Variants in NIBAN3 observed in about 807,000 individuals in gnomAD.
The protein encoded by NIBAN3 is protein Niban 3.
Under a neutral mutation model 76.4 loss-of-function variants are expected in NIBAN3, and 66 were observed. The observed-to-expected ratio is 0.86, with a 90% CI of 0.71 to 1.06. NIBAN3 has a LOEUF of 1.06. NIBAN3 is among the 50% of genes least tolerant of loss of function. The pLI is 0.00. For synonymous variants in NIBAN3, 360 were observed against 355.2 expected, an observed-to-expected ratio of 1.01 and a Z score of -0.15; for missense variants, 808 against 810.7, an observed-to-expected ratio of 1.00 and a Z score of 0.04.
rs747510065 is a variant in NIBAN3, at chr19:17,546,772, G to A, written c.1641G>A (p.Gly547=). The stretch of plus-strand genomic sequence containing the variant: ...GCATCTATGAGGACGTCATCCGGGG[G>A]TGCTTGCTGCAGAGGATTGACCAAG... ...TEGIYEDVIR[G]CLLQRIDQEL... is the part of the protein sequence containing the mutation. Residue 547 remains glycine (G), a synonymous_variant, in exon 13 of 15, where the codon GGG becomes GGA. Transcript: ENST00000599164. The A allele has an allele frequency of 1.9e-5, 31 of 1,602,828 alleles. No individual in the cohort carries two copies. In the South Asian group the frequency reaches 2.4e-4, roughly 12 times the overall value.
rs2076182214 is a variant in NIBAN3, at chr19:17,553,200, T to C, written c.*1302T>C. On this transcript the variant is annotated 3_prime_UTR_variant, in exon 15 of 15. Transcript: ENST00000599164. ...TTCAGGAGTGTTTGCATTTTTCTTA[T>C]TGATATCTAATAACTCTTTATATCT... 11 of 1,477,274 alleles carry C rather than the reference T, an allele frequency of 7.4e-6. No homozygotes were observed. The South Asian group carries it at 1.1e-4, about 15-fold the overall frequency. 91.5% of individuals were successfully genotyped at this position (1,477,274 alleles called of 1,614,324 possible).
rs978247726 is a variant in NIBAN3 at position 17,543,199 on chromosome 19, T to C, written c.1330-118T>C. ...TTTCCTGGGACAAGGAGGAGGAGGT[T>C]GGGCAGAGGTGGCTGGTTGGAACAG... On this transcript the variant is annotated intron_variant, in intron 10 of 14. Coordinates refer to ENST00000599164, the MANE Select transcript of NIBAN3 (RefSeq NM_001321827.2). The C allele has an allele frequency of 7.6e-6, 5 of 657,520 alleles. No individual in the cohort carries two copies. The East Asian group carries it at 1.3e-4, about 17-fold the overall frequency. The allele number at this position is 657,520 out of a possible 1,614,324, so 40.7% of individuals were successfully genotyped here. A position where few individuals can be genotyped will look rare whatever the true frequency, so the allele number is the denominator to read the frequency against.
chr19:17,544,697 G>A (rs2076017950), intron 12 of NIBAN3, among the ~76,000 whole-genome samples: 1 of 152,174 alleles, frequency 6.6e-6, no homozygotes, highest in African/African-American at 2.4e-5. Context: ...TGGGAAGGAG[G>A]TCAGCGGGAG....
intron 14 of NIBAN3, chr19:17,549,960 GCGGCA>G: frequency 8.9e-6 from 3 of 338,176 alleles, no homozygotes; most frequent in Non-Finnish European, 1.1e-5. Flanking sequence ...GGGACTACAG[GCGGCA>G]CATGCCACCA....
In NIBAN3 at chr19:17,542,183, A is replaced by G. The variant is rs1040602346; in HGVS notation, c.1218A>G (p.Thr406=). The change falls in exon 10 of 15, where the codon ACA becomes ACG. Residue 406 remains threonine, a synonymous_variant. Coordinates refer to ENST00000599164, the MANE Select transcript of NIBAN3 (RefSeq NM_001321827.2). This position sits in a 1 kb window ranked among gnomAD's most constrained non-coding sequence, Gnocchi z 4.8. ...EMPWDLALMQ[T]CYREAERSRG... ...CGTGGGACTTGGCGCTGATGCAGAC[A>G]TGCTACCGTGAGGCCGAGCGGAGCC... The G allele has an allele frequency of 1.2e-5, 19 of 1,614,026 alleles. No individual in the cohort carries two copies. The highest frequency in any genetic ancestry group is 2.7e-5 in the African/African-American group (2 of 74,906).
chr19:17,533,681 C>G lies in NIBAN3; in HGVS notation c.407C>G (p.Ala136Gly). The change falls in exon 4 of 15, where the codon GCT becomes GGT. Residue 136 changes from alanine (A) to glycine (G), a missense_variant. Transcript: ENST00000599164. Reference sequence around the variant, plus strand: ...CGAGAATATCTCCGCCTTTTGGATGCTCTCTGCCCTGAATCCTTGGGTAAG... The same window carrying G: ...CGAGAATATCTCCGCCTTTTGGATGGTCTCTGCCCTGAATCCTTGGGTAAG... The part of the protein sequence containing the change: ...SQREYLRLLD[A>G]LCPESLGDHT... 1 of 1,613,792 alleles carries G rather than the reference C, an allele frequency of 6.2e-7. No homozygotes were observed. Among genetic ancestry groups the G allele is most frequent in the South Asian group, 1.1e-5 (1 of 91,052 alleles).
Position 17,532,352 on chromosome 19 carries a change from T to G in NIBAN3, c.276T>G (p.Arg92=). The G allele has an allele frequency of 6.2e-7, 1 of 1,614,102 alleles. No homozygotes were observed. Among genetic ancestry groups the G allele is most frequent in the Non-Finnish European group, 8.5e-7 (1 of 1,180,006 alleles). The stretch of plus-strand genomic sequence containing the variant: ...GGCAGCCGATCTTCTGTGTTCTGCG[T>G]GGGGACGGCCGCCTAGAGTGGTTCA... ...PRWQPIFCVL[R]GDGRLEWFSH... is the part of the protein sequence containing the mutation. The change falls in exon 3 of 15, where the codon CGT becomes CGG. Residue 92 remains arginine, a synonymous_variant. Transcript: ENST00000599164.
At chr19:17,527,140 T>G, upstream of NIBAN3, 1 of 1,400,250 alleles carries the variant, frequency 7.1e-7, no homozygotes, top group Non-Finnish European at 9.7e-7. Context: ...CCCCGCAGCC[T>G]CTACAGAAAC....
chr19:17,549,360 T>C (rs1243634262), intron 13 of NIBAN3, 84 bp from the exon 14 acceptor site: 7 of 934,928 alleles, frequency 7.5e-6, no homozygotes, highest in Non-Finnish European at 8.3e-6. Context: ...GCTTGAGACA[T>C]TTGTAGTCTC....
chr19:17,530,579 A>G (rs2075702259), intron 1 of NIBAN3, among the ~76,000 whole-genome samples, 176 bp from the exon 2 acceptor site: 1 of 151,028 alleles, frequency 6.6e-6, no homozygotes, highest in Non-Finnish European at 1.5e-5. Flanking sequence ...ACCCAGCCAC[A>G]TGGATGGAAA....
intron 2 of NIBAN3, 100 bp downstream of exon 2, chr19:17,530,985 A>G: frequency 7.4e-7 from 1 of 1,349,468 alleles, no homozygotes; most frequent in Non-Finnish European, 1.0e-6. Context: ...TGCCATTGCC[A>G]TAGGATGACT....
At chr19:17,527,906 C>A (rs1230882601) in intron 1 of NIBAN3, among the ~76,000 whole-genome samples, 1 of 151,614 alleles carries the variant, frequency 6.6e-6, no homozygotes, top group East Asian at 1.9e-4. Context: ...GTTGCCCAGG[C>A]TGGTCTTGAA....
At chr19:17,526,399 T>C (rs1456493144), upstream of NIBAN3, among the ~76,000 whole-genome samples, 3 of 151,624 alleles carry the variant, frequency 2.0e-5, no homozygotes, top group Admixed American at 6.6e-5. Context: ...TCCTAACATT[T>C]TGGGAGGCCG....
intron 3 of NIBAN3, 158 bp from the exon 4 acceptor site, chr19:17,533,429 A>C (rs1273183484): frequency 2.5e-6 from 1 of 407,198 alleles, no homozygotes; most frequent in Non-Finnish European, 4.2e-6. Context: ...AAAAAAAAAA[A>C]AGAGAGAGGG....
upstream of NIBAN3, chr19:17,523,336 G>T: frequency 9.4e-7 from 1 of 1,063,240 alleles, no homozygotes; most frequent in Non-Finnish European, 1.3e-6. Flanking sequence ...CCTGCGCAGA[G>T]GCGGCTGTGC....
At chr19:17,554,794 AG>A (rs375282771), downstream of NIBAN3, among the ~76,000 whole-genome samples, 71 of 59,630 alleles carry the variant, frequency 1.2e-3, no homozygotes, top group South Asian at 0.026. Flanking sequence ...AAAAAAAAAA[AG>A]AAAATAATAA....
At chr19:17,523,538 C>CGGCA, upstream of NIBAN3, 1 of 1,233,972 alleles carries the variant, frequency 8.1e-7, no homozygotes, top group Non-Finnish European at 1.1e-6. Context: ...GCCCCCAGAG[C>CGGCA]GGCAGGCACG....
At position 17,540,461 on chromosome 19, in the gene NIBAN3, A is replaced by G. The variant is rs2075926237; in HGVS notation, c.1049A>G (p.Gln350Arg). 1 of 1,588,966 alleles carries G rather than the reference A, an allele frequency of 6.3e-7. No individual in the cohort carries two copies. Among genetic ancestry groups the G allele is most frequent in the Non-Finnish European group, 8.6e-7 (1 of 1,167,426 alleles). ...GACCCGCAGCTGCCCCGGGTCGTGC[A>G]GACCCTGCTGCGCACCGTGGAAGCC... ...EVDPQLPRVV[Q>R]TLLRTVEASL... Residue 350 changes from glutamine (Q) to arginine (R), a missense_variant, in exon 9 of 15, where the codon CAG becomes CGG. By Grantham distance (43) the Gln-to-Arg change is conservative. Coordinates refer to ENST00000599164, the MANE Select transcript of NIBAN3 (RefSeq NM_001321827.2).
In NIBAN3 at chr19:17,532,354, G is replaced by A. The variant is rs781742551; in HGVS notation, c.278G>A (p.Gly93Glu). 9 of 1,614,186 alleles carry A rather than the reference G, an allele frequency of 5.6e-6. No homozygotes were observed. Among genetic ancestry groups the A allele is most frequent in the Admixed American group, 3.3e-5 (2 of 60,014 alleles). The stretch of plus-strand genomic sequence containing the variant: ...CAGCCGATCTTCTGTGTTCTGCGTG[G>A]GGACGGCCGCCTAGAGTGGTTCAGC... ...RWQPIFCVLR[G>E]DGRLEWFSHK... Residue 93 changes from glycine (G) to glutamate (E), a missense_variant, in exon 3 of 15, where the codon GGG becomes GAG. Transcript: ENST00000599164.
Sources: allele counts gnomAD v4.1 joint callset (sites outside exome capture counted in the v4.1 genomes callset), GRCh38; gene constraint gnomAD v4.1.1; non-coding constraint Gnocchi (gnomAD v3.1); transcripts MANE v1.5; gene names NCBI Gene and HGNC (gene_info 2026-07-23, HGNC 2026-07-21).